WTAP: variants seen among roughly 807,000 people sequenced by gnomAD.
WTAP encodes pre-mRNA-splicing regulator WTAP.
In WTAP, 8 loss-of-function variants were observed where a neutral mutation model predicts 50.0. The observed-to-expected ratio is 0.16, with a 90% CI of 0.09 to 0.29. The LOEUF (loss-of-function observed/expected upper bound fraction) is 0.29, where lower values mean the gene tolerates loss of function less well. WTAP is among the 10% of genes least tolerant of loss of function. The pLI, the probability that WTAP is intolerant of heterozygous loss-of-function variation, is 1.00. For missense variants in WTAP, 295 were observed against 470.7 expected (o/e 0.63, Z 3.45); for synonymous variants, 194 against 169.0 (o/e 1.15, Z -1.15).
intron 4 of WTAP, 49 bp downstream of exon 4, chr6:159,742,195 T>G (rs752421123): frequency 1.4e-6 from 2 of 1,444,360 alleles, no homozygotes; most frequent in South Asian, 1.2e-5. Flanking sequence ...TCCTTTTGAT[T>G]GTTAAAATCA....
chr6:159,736,336 T>A (rs369148848), intron 2 of WTAP, 41 bp downstream of exon 2: 1 of 1,507,212 alleles, frequency 6.6e-7, no homozygotes, highest in Non-Finnish European at 9.1e-7. Flanking sequence ...TTGTTTTGGG[T>A]TTTTTGGGGG....
chr6:159,738,906 C>G (rs1779077661), intron 2 of WTAP, 84 bp from the exon 3 acceptor site: 5 of 991,638 alleles, frequency 5.0e-6, no homozygotes, highest in Non-Finnish European at 7.7e-6. Flanking sequence ...AAATCTCACA[C>G]TTGGGAGATG....
In WTAP at chr6:159,753,451, C is replaced by G. The variant is rs571993364; in HGVS notation, c.453-9C>G. The G allele has an allele frequency of 2.0e-5, 33 of 1,614,144 alleles. No individual in the cohort carries two copies. In the African/African-American group the frequency reaches 3.6e-4, roughly 18 times the overall value. ...TTCATTTTGTGATGGATGGCTCTTT[C>G]CTTTGCAGCCAAACAGGGAAAAAGT... On this transcript the variant is annotated splice_polypyrimidine_tract_variant and intron_variant, in intron 6 of 7. Transcript: ENST00000621533.
At chr6:159,726,864 G>A (rs1447821726), upstream of WTAP, 14 of 1,289,112 alleles carry the variant, frequency 1.1e-5, no homozygotes, top group Admixed American at 2.3e-5. Flanking sequence ...GTGAGCTTCT[G>A]CTAAGAGTAA....
intron 1 of WTAP, among the ~76,000 whole-genome samples, chr6:159,734,122 T>C (rs1778758425): frequency 6.6e-6 from 1 of 152,218 alleles, no homozygotes; most frequent in East Asian, 1.9e-4. Context: ...TTATCTCCTT[T>C]TGAGGAATCT....
Position 159,738,955 on chromosome 6 carries a change from A to G in WTAP, c.31-35A>G, listed in dbSNP as rs1583079358. On this transcript the variant is annotated intron_variant, in intron 2 of 7. Coordinates refer to ENST00000621533, the MANE Select transcript of WTAP (RefSeq NM_001270531.2). ...ATTATAGAACTTTGTGTCTTCAGGA[A>G]GAACACTAAATTCATATTGTAATTC... The G allele has an allele frequency of 9.0e-6, 14 of 1,547,242 alleles. No homozygotes were observed. In the East Asian group the frequency reaches 1.4e-4, roughly 15 times the overall value.
intron 1 of WTAP, among the ~76,000 whole-genome samples, chr6:159,732,809 G>A (rs1482496688): frequency 2.6e-5 from 4 of 152,014 alleles, no homozygotes; most frequent in Non-Finnish European, 5.9e-5. Context: ...GGGCAACAGA[G>A]ACCGGGCGCA....
At chr6:159,739,521 A>G (rs1233263312) in intron 3 of WTAP, among the ~76,000 whole-genome samples, 1 of 152,176 alleles carries the variant, frequency 6.6e-6, no homozygotes, top group Non-Finnish European at 1.5e-5. Flanking sequence ...TATCTTGTAA[A>G]TGTCTTACAA....
chr6:159,733,980 C>T (rs1234843367), intron 1 of WTAP, among the ~76,000 whole-genome samples: 3 of 152,124 alleles, frequency 2.0e-5, no homozygotes, highest in East Asian at 1.9e-4. Flanking sequence ...TATGATTTTT[C>T]CTCTAAATTC....
At chr6:159,751,673 C>T (rs1212590152) in intron 6 of WTAP, among the ~76,000 whole-genome samples, 6 of 152,340 alleles carry the variant, frequency 3.9e-5, no homozygotes, top group South Asian at 2.1e-4. Context: ...CTTTCACCCT[C>T]GGGCTCCTCT....
rs1211083754 is a variant in WTAP, at chr6:159,748,140, T to C, written c.274-51T>C. 1 of 1,552,506 alleles carries C rather than the reference T, an allele frequency of 6.4e-7. No individual in the cohort carries two copies. Among genetic ancestry groups the C allele is most frequent in the African/African-American group, 1.4e-5 (1 of 73,062 alleles). On this transcript the variant is annotated intron_variant, in intron 5 of 7. Transcript: ENST00000621533. This position sits in a 1 kb window ranked among gnomAD's most constrained non-coding sequence, Gnocchi z 5.6. ...ATGGAGGGAGTTTTCCCCACCTTCTTATGTATGTTTCCTTTGATTTGGTCG... is the reference window on the plus strand; with the variant it reads ...ATGGAGGGAGTTTTCCCCACCTTCTCATGTATGTTTCCTTTGATTTGGTCG...
At chr6:159,753,674 GC>G in intron 7 of WTAP, 60 bp downstream of exon 7, 1 of 1,537,094 alleles carries the variant, frequency 6.5e-7, no homozygotes, top group South Asian at 1.3e-5. Context: ...TTTTAAAACT[GC>G]CAGTCATGAA....
At chr6:159,727,108 C>A, upstream of WTAP, 1 of 1,194,034 alleles carries the variant, frequency 8.4e-7, no homozygotes, top group Non-Finnish European at 1.1e-6. Context: ...GCCCGCCCCT[C>A]CCCTCGGCCG....
chr6:159,726,843 A>G, upstream of WTAP: 1 of 1,289,196 alleles, frequency 7.8e-7, no homozygotes, highest in Non-Finnish European at 1.0e-6. Context: ...CTAAGTTCTC[A>G]AAACTTACAG....
intron 1 of WTAP, among the ~76,000 whole-genome samples, chr6:159,732,640 G>A (rs1175362874): frequency 6.6e-6 from 1 of 152,160 alleles, no homozygotes; most frequent in Non-Finnish European, 1.5e-5. Flanking sequence ...TTCGAGACCA[G>A]CCTGGTCAAC....
chr6:159,753,340 G>C, intron 6 of WTAP, 120 bp from the exon 7 acceptor site: 1 of 1,350,826 alleles, frequency 7.4e-7, no homozygotes, highest in Non-Finnish European at 1.0e-6. Context: ...GGTAATTATG[G>C]GGAAGCATCT....
chr6:159,755,129 G>C lies in WTAP; in HGVS notation c.709G>C (p.Ala237Pro). 6.2e-7 allele frequency: 1 copy of C among 1,614,124 alleles called. No individual in the cohort carries two copies. The highest frequency in any genetic ancestry group is 8.5e-7 in the Non-Finnish European group (1 of 1,180,022). The stretch of plus-strand genomic sequence containing the variant: ...GCTGAAGGAGACACGCCAGCAGTTG[G>C]CTCAGTACCAGCAGCAGCAGTCTCA... ...QQLKETRQQL[A>P]QYQQQQSQAS... Residue 237 changes from alanine (A) to proline (P), a missense_variant, in exon 8 of 8, where the codon GCT (alanine) becomes CCT (proline). By Grantham distance (27) the Ala-to-Pro change is conservative. Around this residue, in one of 2 missense-constraint regions of WTAP, gnomAD observed 120 missense variants for 287.6 expected, o/e 0.42. Coordinates refer to ENST00000621533, the MANE Select transcript of WTAP (RefSeq NM_001270531.2).
chr6:159,744,278 A>G (rs1220216064), intron 5 of WTAP, among the ~76,000 whole-genome samples: 1 of 152,214 alleles, frequency 6.6e-6, no homozygotes, highest in Admixed American at 6.5e-5. Context: ...ATGTCTACGT[A>G]GATCTGAAAT....
chr6:159,727,882 G>C (rs1778303908), intron 1 of WTAP, among the ~76,000 whole-genome samples, 179 bp downstream of exon 1: 1 of 152,234 alleles, frequency 6.6e-6, no homozygotes, highest in Non-Finnish European at 1.5e-5. Context: ...CACTTCCGCC[G>C]CTTCGAGGCC....
Sources: allele counts gnomAD v4.1 joint callset (sites outside exome capture counted in the v4.1 genomes callset), GRCh38; gene constraint gnomAD v4.1.1; regional missense constraint gnomAD v4.1.1; non-coding constraint Gnocchi (gnomAD v3.1); transcripts MANE v1.5; gene names NCBI Gene and HGNC (gene_info 2026-07-23, HGNC 2026-07-21).